TMC5: variants seen among roughly 807,000 people sequenced by gnomAD.
TMC5 encodes the protein transmembrane channel like 5.
In TMC5, 86 loss-of-function variants were observed where a neutral mutation model predicts 110.5. That is an observed-to-expected ratio of 0.78 (90% CI 0.65 to 0.93). TMC5 has a LOEUF of 0.93. Among genes scored for constraint, TMC5 ranks in the 40% least tolerant of loss-of-function variants. TMC5 has a pLI of 0.00. For synonymous variants in TMC5, 455 were observed against 439.5 expected (o/e 1.04, Z -0.44); for missense variants, 1,144 against 1,222.8 (o/e 0.94, Z 0.96).
chr16:19,428,018 A>G (rs924622905), intron 1 of TMC5, among the ~76,000 whole-genome samples: 8 of 152,216 alleles, frequency 5.3e-5, no homozygotes, highest in African/African-American at 1.9e-4. Flanking sequence ...GGAGAAGGAA[A>G]GTCTTGTTAC....
intron 11 of TMC5, among the ~76,000 whole-genome samples, chr16:19,472,760 C>T (rs1968376227): frequency 6.6e-6 from 1 of 152,178 alleles, no homozygotes; most frequent in South Asian, 2.1e-4. Context: ...CCAGGCCTTG[C>T]AGCTTACGTG....
chr16:19,495,008 A>ATTTTTTTTTTTTTTT (rs1226858039), intron 20 of TMC5, among the ~76,000 whole-genome samples: 5 of 37,124 alleles, frequency 1.3e-4, no homozygotes, highest in Admixed American at 2.2e-4. Flanking sequence ...TTCAGTGTCT[A>ATTTTTTTTTTTTTTT]TTCTTTTTTT....
chr16:19,465,651 C>T (rs924080650), intron 8 of TMC5, among the ~76,000 whole-genome samples: 2 of 152,186 alleles, frequency 1.3e-5, no homozygotes, highest in African/African-American at 4.8e-5. Context: ...CTGGAATTGT[C>T]TGATGATTTC....
chr16:19,440,435 C>A lies in TMC5; in HGVS notation c.397C>A (p.Arg133=), dbSNP rs376637338. 6.2e-7 allele frequency: 1 copy of A among 1,613,876 alleles called. No individual in the cohort carries two copies. Among genetic ancestry groups the A allele is most frequent in the Non-Finnish European group, 8.5e-7 (1 of 1,180,000 alleles). ...ACAACCAGACTACCCTGGATCTCAA[C>A]GAAATCCTGATTTTGCAGGCTCCAG... ...SRQPDYPGSQ[R]NPDFAGSSSS... is the part of the protein sequence containing the mutation. The change falls in exon 3 of 22, where the codon CGA becomes AGA. Residue 133 remains arginine, a synonymous_variant. Transcript: ENST00000542583.
chr16:19,427,511 A>G (rs1967109209), intron 1 of TMC5, among the ~76,000 whole-genome samples: 1 of 152,098 alleles, frequency 6.6e-6, no homozygotes, highest in African/African-American at 2.4e-5. Context: ...AGCTGGCCAT[A>G]TTTGAAGTGT....
intron 11 of TMC5, among the ~76,000 whole-genome samples, chr16:19,473,122 G>T (rs781240553): frequency 6.6e-6 from 1 of 152,036 alleles, no homozygotes; most frequent in Non-Finnish European, 1.5e-5. Flanking sequence ...GAGGCAGGCA[G>T]ATCACTTGAG....
intron 2 of TMC5, among the ~76,000 whole-genome samples, chr16:19,437,110 G>T (rs914138973): frequency 6.6e-6 from 1 of 152,180 alleles, no homozygotes; most frequent in Non-Finnish European, 1.5e-5. Context: ...GGGAGGTCGA[G>T]GTTGCATCGA....
At chr16:19,462,726 C>T (rs968900998) in intron 6 of TMC5, among the ~76,000 whole-genome samples, 1 of 151,942 alleles carries the variant, frequency 6.6e-6, no homozygotes, top group Non-Finnish European at 1.5e-5. Context: ...ATGGTGGAAA[C>T]CCCATCTCTA....
intron 1 of TMC5, among the ~76,000 whole-genome samples, chr16:19,412,270 C>T (rs1344634013): frequency 1.3e-5 from 2 of 151,230 alleles, no homozygotes; most frequent in African/African-American, 4.9e-5. Flanking sequence ...GGGGGTCTCA[C>T]TATGTTGCCC....
At position 19,440,233 on chromosome 16, in the gene TMC5, T is replaced by A; in HGVS notation, c.195T>A (p.Tyr65Ter). 6.2e-7 allele frequency: 1 copy of A among 1,614,120 alleles called. No individual in the cohort carries two copies. The highest frequency in any genetic ancestry group is 8.5e-7 in the Non-Finnish European group (1 of 1,180,014). Residue 65 changes from tyrosine to a stop codon, truncating the protein, a stop_gained, in exon 3 of 22, where the codon TAT becomes TAA. Coordinates refer to ENST00000542583, the MANE Select transcript of TMC5 (RefSeq NM_001261841.2). LOFTEE classifies it high-confidence loss of function. ...TAGCCTCCAGAACACGTCCAGACTA[T>A]CCTGGGTCTCTGGCAGAACCAAATT... ...YSVASRTRPD[Y>*]PGSLAEPNYP...
At chr16:19,452,250 T>G (rs1267206801) in intron 5 of TMC5, among the ~76,000 whole-genome samples, 2 of 152,180 alleles carry the variant, frequency 1.3e-5, no homozygotes, top group Admixed American at 1.3e-4. Flanking sequence ...GATGAAGAGA[T>G]GCATTAGGTG....
At chr16:19,474,599 C>T (rs1968440620) in intron 12 of TMC5, among the ~76,000 whole-genome samples, 1 of 152,082 alleles carries the variant, frequency 6.6e-6, no homozygotes, top group Non-Finnish European at 1.5e-5. Context: ...ATCACTTGAT[C>T]CCAGGAGTTT....
At chr16:19,416,004 G>A (rs1264450099), upstream of TMC5, among the ~76,000 whole-genome samples, 3 of 152,090 alleles carry the variant, frequency 2.0e-5, no homozygotes, top group African/African-American at 4.8e-5. Flanking sequence ...AACGTAGAGA[G>A]ACCCCATATC....
upstream of TMC5, among the ~76,000 whole-genome samples, chr16:19,416,617 G>A (rs561235026): frequency 4.6e-5 from 7 of 152,300 alleles, no homozygotes; most frequent in South Asian, 8.3e-4. Context: ...CAGAGGAGTT[G>A]AGACATTACA....
intron 5 of TMC5, among the ~76,000 whole-genome samples, chr16:19,455,787 AAAG>A (rs775646382): frequency 2.5e-4 from 38 of 152,324 alleles, no homozygotes; most frequent in Middle Eastern, 3.4e-3. Flanking sequence ...CTGGTGTGAG[AAAG>A]AAGAAGATTA....
In TMC5 at chr16:19,420,602, C is replaced by T. The variant is rs145595718; in HGVS notation, c.-308+2510C>T. 1.2e-4 allele frequency among the ~76,000 whole-genome samples: 18 copies of T among 152,154 alleles called. 1 individual carries two copies. The highest frequency in any genetic ancestry group is 3.4e-4 in the African/African-American group (14 of 41,534). On this transcript the variant is annotated intron_variant, in intron 1 of 21. Coordinates refer to ENST00000542583, the MANE Select transcript of TMC5 (RefSeq NM_001261841.2). ...CAGCCTCCTGGGTAGCTGGGACTAA[C>T]GGCTGCATGCCACTGTGCTCAGCTA...
chr16:19,492,915 G>GATATATATATATATAT (rs772226428), intron 19 of TMC5, among the ~76,000 whole-genome samples: 1 of 42,752 alleles, frequency 2.3e-5, no homozygotes, highest in African/African-American at 5.4e-5. Context: ...TTAAAACTTA[G>GATATATATATATATAT]ATATATATAT....
At chr16:19,410,997 A>T (rs9935123) in exon 1 of TMC5, 6,427 of 152,420 alleles carry the variant, frequency 0.042, 167 homozygotes, top group African/African-American at 0.078. Context: ...ATTGGGGAGC[A>T]CGTGGAGGGG....
At chr16:19,417,851 C>T (rs781596341), upstream of TMC5, 12 of 152,204 alleles carry the variant, frequency 7.9e-5, no homozygotes, top group Admixed American at 2.0e-4. Flanking sequence ...ATAGCCAGGG[C>T]GGCATAAAAC....
Sources: allele counts gnomAD v4.1 joint callset (sites outside exome capture counted in the v4.1 genomes callset), GRCh38; gene constraint gnomAD v4.1.1; transcripts MANE v1.5; gene names NCBI Gene and HGNC (gene_info 2026-07-23, HGNC 2026-07-21).